Variants in CCDC171 observed in about 807,000 individuals in gnomAD.
CCDC171 encodes coiled-coil domain containing 171.
Under a neutral mutation model 168.2 loss-of-function variants are expected in CCDC171, and 177 were observed. The ratio of observed to expected loss-of-function variants is 1.05; its 90% CI spans 0.93 to 1.19. CCDC171 has a LOEUF of 1.19. Among genes scored for constraint, CCDC171 ranks in the 50% most tolerant of loss-of-function variants. The probability of loss-of-function intolerance (pLI) is 0.00; values close to 1 mark genes in which losing one functional copy is unlikely to be tolerated. For missense variants in CCDC171, 1,991 were observed against 1,539.0 expected (o/e 1.29, Z -4.91); for synonymous variants, 687 against 540.8 (o/e 1.27, Z -3.75).
intron 3 of CCDC171, among the ~76,000 whole-genome samples, chr9:16,006,656 C>T (rs556197935): frequency 6.6e-6 from 1 of 151,514 alleles, no homozygotes; most frequent in Non-Finnish European, 1.5e-5. Context: ...TGTTCAATTC[C>T]TACCTATGAG....
At chr9:15,853,213 A>G (rs897459125) in intron 23 of CCDC171, among the ~76,000 whole-genome samples, 5 of 151,684 alleles carry the variant, frequency 3.3e-5, no homozygotes, top group Non-Finnish European at 7.4e-5. Context: ...TCATGAACAT[A>G]GAATGCCTTT....
intron 16 of CCDC171, among the ~76,000 whole-genome samples, chr9:15,730,205 T>G (rs764208667): frequency 6.6e-6 from 1 of 150,496 alleles, no homozygotes; most frequent in Non-Finnish European, 1.5e-5. Flanking sequence ...TCATTTAAAT[T>G]TATTTGGGGT....
At chr9:15,574,235 C>A (rs1354311221) in intron 3 of CCDC171, among the ~76,000 whole-genome samples, 1 of 151,892 alleles carries the variant, frequency 6.6e-6, no homozygotes, top group South Asian at 2.1e-4. Flanking sequence ...ACCTCTGCCT[C>A]CCAGGTTCAA....
the CCDC171 span, among the ~76,000 whole-genome samples, chr9:16,072,560 C>G: frequency 6.6e-5 from 10 of 152,178 alleles, no homozygotes; most frequent in African/African-American, 1.9e-4. Context: ...AAGCTCATAT[C>G]TAGCTGTGGG....
chr9:15,600,286 G>A (rs10962091), intron 6 of CCDC171, among the ~76,000 whole-genome samples: 23,127 of 152,146 alleles, frequency 0.15, 2,263 homozygotes, highest in Non-Finnish European at 0.23. Context: ...TGTGATCTTT[G>A]ATGATGGTGA....
chr9:16,001,962 G>A (rs1414300726), intron 3 of CCDC171, among the ~76,000 whole-genome samples: 3 of 149,360 alleles, frequency 2.0e-5, no homozygotes, highest in South Asian at 2.1e-4. Context: ...CTCAGCCTCC[G>A]AGTAGCTGGG....
At chr9:15,713,757 C>A (rs1269543304) in intron 11 of CCDC171, among the ~76,000 whole-genome samples, 1 of 151,922 alleles carries the variant, frequency 6.6e-6, no homozygotes, top group African/African-American at 2.4e-5. Context: ...TGAGTAGTTG[C>A]TACTTTCTGT....
intron 25 of CCDC171, among the ~76,000 whole-genome samples, chr9:15,951,341 A>C (rs965095497): frequency 6.6e-6 from 1 of 151,910 alleles, no homozygotes; most frequent in Non-Finnish European, 1.5e-5. Flanking sequence ...GCACCACACC[A>C]CACCTATTCC....
At chr9:15,900,963 A>C (rs1821557509) in intron 24 of CCDC171, among the ~76,000 whole-genome samples, 1 of 152,186 alleles carries the variant, frequency 6.6e-6, no homozygotes, top group Admixed American at 6.5e-5. Context: ...ACAGGGGAGT[A>C]GTCTCCAAAC....
At chr9:15,639,616 A>G (rs574592932) in intron 7 of CCDC171, among the ~76,000 whole-genome samples, 8 of 152,146 alleles carry the variant, frequency 5.3e-5, no homozygotes, top group Non-Finnish European at 8.8e-5. Context: ...GTTTATTTCT[A>G]TTGTCAGCCT....
At chr9:15,843,817 C>T (rs1333886090) in intron 21 of CCDC171, among the ~76,000 whole-genome samples, 1 of 152,102 alleles carries the variant, frequency 6.6e-6, no homozygotes, top group Non-Finnish European at 1.5e-5. Flanking sequence ...ATCACTATGG[C>T]TGTCCCATAG....
intron 2 of CCDC171, among the ~76,000 whole-genome samples, chr9:15,569,697 C>T (rs2040046453): frequency 6.6e-6 from 1 of 151,736 alleles, no homozygotes; most frequent in East Asian, 2.0e-4. Context: ...CGCCTGTAGT[C>T]CCAGCTGCTC....
At chr9:16,062,272 C>T (rs973972694), downstream of CCDC171, among the ~76,000 whole-genome samples, 5 of 152,052 alleles carry the variant, frequency 3.3e-5, no homozygotes, top group Non-Finnish European at 7.4e-5. Context: ...GAGCTGGAAA[C>T]CATTATTCTA....
chr9:15,591,637 A>T (rs1164260505), intron 5 of CCDC171, 81 bp downstream of exon 5: 3 of 819,222 alleles, frequency 3.7e-6, no homozygotes, highest in Non-Finnish European at 1.9e-6. Context: ...GTTATCCTGG[A>T]TTTCCTTCCT....
chr9:15,668,301 GCT>G (rs1334629197), intron 9 of CCDC171, among the ~76,000 whole-genome samples: 1 of 152,138 alleles, frequency 6.6e-6, no homozygotes, highest in African/African-American at 2.4e-5. Flanking sequence ...TAACACTTAA[GCT>G]CTGAGTCTAA....
chr9:16,086,551 C>T, the CCDC171 span, among the ~76,000 whole-genome samples: 1 of 152,166 alleles, frequency 6.6e-6, no homozygotes, highest in East Asian at 1.9e-4. Context: ...TGTGATCTGC[C>T]CGCCTCAGCC....
intron 11 of CCDC171, among the ~76,000 whole-genome samples, chr9:15,701,092 G>T (rs1312077163): frequency 2.0e-5 from 3 of 152,032 alleles, no homozygotes; most frequent in Admixed American, 2.0e-4. Context: ...TCGTTTGGGT[G>T]TTTTTTTGCT....
At chr9:15,656,321 C>G (rs75623089) in intron 7 of CCDC171, among the ~76,000 whole-genome samples, 1 of 89,846 alleles carries the variant, frequency 1.1e-5, no homozygotes, top group African/African-American at 3.9e-5. Context: ...GACTCCGTCT[C>G]AAAAAAAAAA....
rs1316840165 is a variant in CCDC171 at position 15,856,844 on chromosome 9, G to T, written c.3468+7897G>T. 2.0e-5 allele frequency among the ~76,000 whole-genome samples: 3 copies of T among 151,956 alleles called. No homozygotes were observed. The South Asian group carries it at 6.2e-4, about 31-fold the overall frequency. ...TTTGCTGTTGTGTACATGGGTTCCA[G>T]TTTCTCCACATCTTTGCCAATCCTT... On this transcript the variant is annotated intron_variant, in intron 23 of 25. Coordinates refer to ENST00000380701, the MANE Select transcript of CCDC171 (RefSeq NM_173550.4).
Sources: allele counts gnomAD v4.1 joint callset (sites outside exome capture counted in the v4.1 genomes callset), GRCh38; gene constraint gnomAD v4.1.1; transcripts MANE v1.5; gene names NCBI Gene and HGNC (gene_info 2026-07-23, HGNC 2026-07-21).